AMER3: variants seen among roughly 807,000 people sequenced by gnomAD.
AMER3 encodes APC membrane recruitment protein 3, also known as family with sequence similarity 123C.
For synonymous variants in AMER3, 541 were observed against 485.5 expected, an observed-to-expected ratio of 1.11 and a Z score of -1.50; for missense variants, 1,201 against 1,139.4, an observed-to-expected ratio of 1.05 and a Z score of -0.78.
intron 1 of AMER3, chr2:130,756,359 T>TGCTGCACTGCGGGCCCCCA (rs1678609315): frequency 1.3e-5 from 2 of 151,442 alleles, no homozygotes; most frequent in Non-Finnish European, 2.9e-5. Flanking sequence ...GGCCGCGCCC[T>TGCTGCACTGCGGGCCCCCA]GCTGCACTGC....
At chr2:130,756,144 A>G (rs888092631) in intron 1 of AMER3, 2 of 147,130 alleles carry the variant, frequency 1.4e-5, no homozygotes, top group Non-Finnish European at 3.0e-5. Context: ...CCCCCTCGCC[A>G]CCCCTGCGCG....
chr2:130,757,137 CT>C (rs1678634307), intron 1 of AMER3, among the ~76,000 whole-genome samples: 1 of 151,902 alleles, frequency 6.6e-6, no homozygotes, highest in African/African-American at 2.4e-5. Context: ...CACCGGGACA[CT>C]TTCAGGTTAA....
At position 130,763,773 on chromosome 2, in the gene AMER3, G is replaced by C. The variant is rs565412731; in HGVS notation, c.1701G>C (p.Glu567Asp). ...TTTGCTCAGCACCCAGCAGGCAGGA[G>C]CTGTGGGCACACCCGGGCACCACAG... is the stretch of plus-strand genomic sequence containing the variant. ...ATVCSAPSRQ[E>D]LWAHPGTTGL... The change falls in exon 2 of 2, where the codon GAG becomes GAC. Residue 567 changes from glutamate (E) to aspartate (D), a missense_variant. Transcript: ENST00000321420. 1.9e-6 allele frequency: 3 copies of C among 1,603,830 alleles called. No homozygotes were observed. Among genetic ancestry groups the C allele is most frequent in the African/African-American group, 1.3e-5 (1 of 74,786 alleles).
In AMER3 at chr2:130,762,717, G is replaced by A. The variant is rs765119677; in HGVS notation, c.645G>A (p.Gln215=). 1 of 1,611,908 alleles carries A rather than the reference G, an allele frequency of 6.2e-7. No individual in the cohort carries two copies. Among genetic ancestry groups the A allele is most frequent in the African/African-American group, 1.3e-5 (1 of 75,052 alleles). ...GGCCGGGGCTGGACGGCCTGTGCCAGGACCTGTTGGACAGCGAGCTCCTGG... is the reference window on the plus strand; with the variant it reads ...GGCCGGGGCTGGACGGCCTGTGCCAAGACCTGTTGGACAGCGAGCTCCTGG... ...GEGPGLDGLC[Q]DLLDSELLAD... The change falls in exon 2 of 2, where the codon CAG becomes CAA. Residue 215 remains glutamine, a synonymous_variant. Coordinates refer to ENST00000321420, the MANE Select transcript of AMER3 (RefSeq NM_152698.3).
At chr2:130,761,523 G>T (rs904122140) in intron 1 of AMER3, among the ~76,000 whole-genome samples, 2 of 152,166 alleles carry the variant, frequency 1.3e-5, no homozygotes, top group Non-Finnish European at 2.9e-5. Flanking sequence ...TGTAGATAGA[G>T]TCTTGCCTCC....
chr2:130,764,509 C>T lies in AMER3; in HGVS notation c.2437C>T (p.Leu813=). ...WSSQGHHPES[L]GLTLNSQQEG... Reference sequence around the variant, plus strand: ...TTCCCAGGGCCACCATCCAGAAAGCCTGGGCCTCACTTTGAACAGCCAGCA... The same window carrying T: ...TTCCCAGGGCCACCATCCAGAAAGCTTGGGCCTCACTTTGAACAGCCAGCA... The change falls in exon 2 of 2, where the codon CTG becomes TTG. Residue 813 remains leucine, a synonymous_variant. Transcript: ENST00000321420. 6.2e-7 allele frequency: 1 copy of T among 1,602,196 alleles called. No individual in the cohort carries two copies. The highest frequency in any genetic ancestry group is 8.5e-7 in the Non-Finnish European group (1 of 1,174,994).
chr2:130,763,024 C>A lies in AMER3; in HGVS notation c.952C>A (p.Arg318Ser), dbSNP rs113802956. Residue 318 changes from arginine (R) to serine (S), a missense_variant, in exon 2 of 2, where the codon CGT (arginine) becomes AGT (serine). Coordinates refer to ENST00000321420, the MANE Select transcript of AMER3 (RefSeq NM_152698.3). ...RFWDSVNRSV[R>S]QQQRALLGPW... is the part of the protein sequence containing the mutation. ...CTGGGACAGTGTGAATCGCTCAGTG[C>A]GTCAGCAGCAGCGTGCCCTCCTAGG... 1.1e-5 allele frequency: 17 copies of A among 1,613,114 alleles called. No homozygotes were observed. Among genetic ancestry groups the A allele is most frequent in the Non-Finnish European group, 1.4e-5 (17 of 1,179,970 alleles).
At chr2:130,756,248 GGGCGCCGGGCCTCCCCCTCCCGGCCGC>G (rs943854120) in intron 1 of AMER3, 2 of 148,172 alleles carry the variant, frequency 1.3e-5, no homozygotes, top group African/African-American at 4.9e-5. Flanking sequence ...GGGTGGGTGC[GGGCGCCGGGCCTCCCCCTCCCGGCCGC>G]GGCGCGCGGC....
At position 130,763,539 on chromosome 2, in the gene AMER3, G is replaced by A. The variant is rs1459946428; in HGVS notation, c.1467G>A (p.Lys489=). 2 of 1,612,504 alleles carry A rather than the reference G, an allele frequency of 1.2e-6. No homozygotes were observed. Among genetic ancestry groups the A allele is most frequent in the African/African-American group, 1.3e-5 (1 of 74,940 alleles). ...LSQGFLQSSW[K]GKECLLKLCD... ...AGGGCTTCCTACAGAGCTCCTGGAA[G>A]GGCAAGGAGTGCCTGCTGAAGCTGT... Residue 489 remains lysine, a synonymous_variant, in exon 2 of 2, where the codon AAG becomes AAA. Transcript: ENST00000321420.
chr2:130,762,670 G>A lies in AMER3; in HGVS notation c.598G>A (p.Ala200Thr), dbSNP rs757113341. 5.6e-6 allele frequency: 9 copies of A among 1,611,054 alleles called. No homozygotes were observed. Among genetic ancestry groups the A allele is most frequent in the Non-Finnish European group, 7.6e-6 (9 of 1,179,784 alleles). The part of the protein sequence containing the change: ...PSDPGGRRSK[A>T]FLPPGEGPGL... ...AGACCCTGGGGGGCGGCGAAGCAAAGCCTTCCTCCCCCCGGGTGAGGGGCC... is the reference window on the plus strand; with the variant it reads ...AGACCCTGGGGGGCGGCGAAGCAAAACCTTCCTCCCCCCGGGTGAGGGGCC... The change falls in exon 2 of 2, where the codon GCC becomes ACC. Residue 200 changes from alanine (A) to threonine (T), a missense_variant. Coordinates refer to ENST00000321420, the MANE Select transcript of AMER3 (RefSeq NM_152698.3).
chr2:130,762,681 C>A lies in AMER3; in HGVS notation c.609C>A (p.Pro203=), dbSNP rs539104678. 2.2e-5 allele frequency: 36 copies of A among 1,611,156 alleles called. No homozygotes were observed. Among genetic ancestry groups the A allele is most frequent in the Admixed American group, 3.3e-5 (2 of 59,978 alleles). The part of the protein sequence containing the change: ...PGGRRSKAFL[P]PGEGPGLDGL... ...GGCGGCGAAGCAAAGCCTTCCTCCCCCCGGGTGAGGGGCCGGGGCTGGACG... is the reference window on the plus strand; with the variant it reads ...GGCGGCGAAGCAAAGCCTTCCTCCCACCGGGTGAGGGGCCGGGGCTGGACG... Residue 203 remains proline, a synonymous_variant, in exon 2 of 2, where the codon CCC becomes CCA. Coordinates refer to ENST00000321420, the MANE Select transcript of AMER3 (RefSeq NM_152698.3).
rs745874912 is a variant in AMER3 at position 130,763,099 on chromosome 2, G to A, written c.1027G>A (p.Asp343Asn). The A allele has an allele frequency of 3.7e-6, 6 of 1,613,208 alleles. No homozygotes were observed. The highest frequency in any genetic ancestry group is 5.1e-6 in the Non-Finnish European group (6 of 1,179,908). Residue 343 changes from aspartate (D) to asparagine (N), a missense_variant, in exon 2 of 2, where the codon GAC becomes AAC. Coordinates refer to ENST00000321420, the MANE Select transcript of AMER3 (RefSeq NM_152698.3). ...QGTDRDQSRL[D>N]TAGLAELPLC... ...GACAGACAGGGACCAATCCCGGCTGGACACAGCTGGGCTCGCTGAGCTGCC... is the reference window on the plus strand; with the variant it reads ...GACAGACAGGGACCAATCCCGGCTGAACACAGCTGGGCTCGCTGAGCTGCC...
intron 1 of AMER3, among the ~76,000 whole-genome samples, chr2:130,760,672 CAG>C (rs1678750278): frequency 6.6e-6 from 1 of 152,100 alleles, no homozygotes; most frequent in Admixed American, 6.5e-5. Context: ...CCCTGGCAGA[CAG>C]AGGTATTTTG....
In AMER3 at chr2:130,763,997, A is replaced by C. The variant is rs1678900446; in HGVS notation, c.1925A>C (p.Gln642Pro). 1 of 1,613,240 alleles carries C rather than the reference A, an allele frequency of 6.2e-7. No homozygotes were observed. The highest frequency in any genetic ancestry group is 8.5e-7 in the Non-Finnish European group (1 of 1,179,838). Residue 642 changes from glutamine (Q) to proline (P), a missense_variant, in exon 2 of 2, where the codon CAG (glutamine) becomes CCG (proline). Coordinates refer to ENST00000321420, the MANE Select transcript of AMER3 (RefSeq NM_152698.3). ...GTTCCTTCTACCTGGCCCTGCTCCC[A>C]GAAGGAGCCTGGGCCACCAGGGGTC... Reference protein sequence around the residue: ...APVPSTWPCSQKEPGPPGVLG... With the variant: ...APVPSTWPCSPKEPGPPGVLG...
chr2:130,762,711 G>C lies in AMER3; in HGVS notation c.639G>C (p.Leu213=), dbSNP rs201150470. The change falls in exon 2 of 2, where the codon CTG becomes CTC. Residue 213 remains leucine (L), a synonymous_variant. Coordinates refer to ENST00000321420, the MANE Select transcript of AMER3 (RefSeq NM_152698.3). ...PPGEGPGLDG[L]CQDLLDSELL... is the part of the protein sequence containing the mutation. ...GTGAGGGGCCGGGGCTGGACGGCCT[G>C]TGCCAGGACCTGTTGGACAGCGAGC... The C allele has an allele frequency of 3.7e-6, 6 of 1,611,910 alleles. No individual in the cohort carries two copies. The South Asian group carries it at 6.6e-5, about 18-fold the overall frequency.
chr2:130,767,349 C>T lies in AMER3; in HGVS notation c.*2691C>T, dbSNP rs760893449. On this transcript the variant is annotated 3_prime_UTR_variant, in exon 2 of 2. Coordinates refer to ENST00000321420, the MANE Select transcript of AMER3 (RefSeq NM_152698.3). ...GCACAGGAAAAGGGGTCAGTCAGGT[C>T]GCAGGCAAAGTGCTAGGGAAATCCC... is the stretch of plus-strand genomic sequence containing the variant. 1 of 167,172 alleles carries T rather than the reference C, an allele frequency of 6.0e-6. No homozygotes were observed. Among genetic ancestry groups the T allele is most frequent in the Non-Finnish European group, 1.5e-5 (1 of 68,264 alleles). 10.4% of individuals were successfully genotyped at this position (167,172 alleles called of 1,614,324 possible).
chr2:130,764,372 G>T lies in AMER3; in HGVS notation c.2300G>T (p.Trp767Leu). Residue 767 changes from tryptophan to leucine, a missense_variant, in exon 2 of 2, where the codon TGG becomes TTG. Coordinates refer to ENST00000321420, the MANE Select transcript of AMER3 (RefSeq NM_152698.3). ...VEPTGLGVQA[W>L]ASVEDQPLQL... ...CCCACCGGGCTAGGTGTCCAGGCCT[G>T]GGCCTCTGTGGAGGACCAGCCCTTG... 1.2e-6 allele frequency: 2 copies of T among 1,612,688 alleles called. No individual in the cohort carries two copies. The highest frequency in any genetic ancestry group is 1.7e-6 in the Non-Finnish European group (2 of 1,179,594).
Position 130,763,622 on chromosome 2 carries a change from C to A in AMER3, c.1550C>A (p.Thr517Lys). 6.4e-7 allele frequency: 1 copy of A among 1,558,460 alleles called. No homozygotes were observed. The highest frequency in any genetic ancestry group is 8.7e-7 in the Non-Finnish European group (1 of 1,153,750). The stretch of plus-strand genomic sequence containing the variant: ...GTCAGCTGGCTGCGCCGAGGCCCCA[C>A]GCCCCGTGCCCCACCCACCCCTGGG... ...GIVSWLRRGP[T>K]PRAPPTPGQP... The change falls in exon 2 of 2, where the codon ACG (threonine) becomes AAG (lysine). Residue 517 changes from threonine (T) to lysine (K), a missense_variant. Physicochemically the swap from Thr to Lys is moderately conservative, Grantham distance 78. Transcript: ENST00000321420.
chr2:130,759,721 C>T (rs933251559), intron 1 of AMER3, among the ~76,000 whole-genome samples: 3 of 152,184 alleles, frequency 2.0e-5, no homozygotes, highest in East Asian at 1.9e-4. Flanking sequence ...TCTGAGCTGT[C>T]GGTTTATAGA....
Sources: allele counts gnomAD v4.1 joint callset (sites outside exome capture counted in the v4.1 genomes callset), GRCh38; gene constraint gnomAD v4.1.1; transcripts MANE v1.5; gene names NCBI Gene and HGNC (gene_info 2026-07-23, HGNC 2026-07-21).